The following ACAD10 variants were observed in gnomAD, a reference collection of about 807,000 sequenced individuals.
The protein encoded by ACAD10 is acyl-CoA dehydrogenase family member 10.
ACAD10 carries 112 observed loss-of-function variants against 116.8 expected under a neutral mutation model. The ratio of observed to expected loss-of-function variants is 0.96; its 90% CI spans 0.82 to 1.12. The LOEUF (loss-of-function observed/expected upper bound fraction) is 1.12, where lower values mean the gene tolerates loss of function less well. ACAD10 is among the 50% of genes most tolerant of loss of function. The probability of loss-of-function intolerance (pLI) is 0.00; values close to 1 mark genes in which losing one functional copy is unlikely to be tolerated. For missense variants in ACAD10, 1,259 were observed against 1,350.2 expected (o/e 0.93, Z 1.06); for synonymous variants, 486 against 510.6 (o/e 0.95, Z 0.65).
chr12:111,698,179 G>C (rs181715983), intron 2 of ACAD10, among the ~76,000 whole-genome samples: 203 of 151,378 alleles, frequency 1.3e-3, no homozygotes, highest in Admixed American at 3.8e-3. Context: ...TATGTTTTTA[G>C]TAGAGATGGG....
At chr12:111,727,258 C>T (rs1206805704) in intron 8 of ACAD10, among the ~76,000 whole-genome samples, 1 of 149,404 alleles carries the variant, frequency 6.7e-6, no homozygotes, top group Non-Finnish European at 1.5e-5. Flanking sequence ...GGAGCAGTGG[C>T]TCACGCCTAT....
chr12:111,686,544 G>A (rs1887860189), intron 1 of ACAD10, among the ~76,000 whole-genome samples: 1 of 152,100 alleles, frequency 6.6e-6, no homozygotes. Context: ...GTGAAACCTC[G>A]TCTCTACTGA....
At chr12:111,715,210 G>A (rs557872983) in intron 6 of ACAD10, among the ~76,000 whole-genome samples, 1 of 152,248 alleles carries the variant, frequency 6.6e-6, no homozygotes, top group Non-Finnish European at 1.5e-5. Context: ...TTCTAACCAA[G>A]TGAAATCAGT....
At chr12:111,732,131 A>G (rs1889404177) in intron 10 of ACAD10, among the ~76,000 whole-genome samples, 1 of 152,160 alleles carries the variant, frequency 6.6e-6, no homozygotes. Context: ...GAAGATGGGA[A>G]TATGCTACAA....
At chr12:111,707,473 C>T (rs899540427) in intron 4 of ACAD10, among the ~76,000 whole-genome samples, 2 of 152,156 alleles carry the variant, frequency 1.3e-5, no homozygotes, top group African/African-American at 4.8e-5. Context: ...AACTCCAAAG[C>T]CCAGATTGGC....
chr12:111,686,961 C>T (rs1887882900), intron 1 of ACAD10, among the ~76,000 whole-genome samples: 1 of 152,182 alleles, frequency 6.6e-6, no homozygotes, highest in Non-Finnish European at 1.5e-5. Flanking sequence ...GGCATGATAT[C>T]ATGTCCTCAT....
chr12:111,743,429 C>T (rs1245860038), intron 12 of ACAD10, among the ~76,000 whole-genome samples: 5 of 150,244 alleles, frequency 3.3e-5, no homozygotes, highest in African/African-American at 9.8e-5. Flanking sequence ...CTCCGCCTCT[C>T]GGGTTCAAGT....
intron 8 of ACAD10, among the ~76,000 whole-genome samples, chr12:111,723,364 G>A (rs1179765675): frequency 1.3e-4 from 18 of 138,624 alleles, no homozygotes; most frequent in African/African-American, 4.3e-4. Flanking sequence ...CTGTCCAGGC[G>A]GGGGGCTGAC....
At chr12:111,734,824 A>G (rs1162115429) in intron 11 of ACAD10, among the ~76,000 whole-genome samples, 1 of 152,228 alleles carries the variant, frequency 6.6e-6, no homozygotes, top group Non-Finnish European at 1.5e-5. Context: ...ATCTAATGGC[A>G]TGCTTTTTTT....
intron 2 of ACAD10, among the ~76,000 whole-genome samples, chr12:111,697,412 G>C (rs897827757): frequency 2.3e-4 from 33 of 142,962 alleles, no homozygotes; most frequent in African/African-American, 8.3e-4. Context: ...CCAGGCTAAA[G>C]TGCAGTGGCG....
intron 8 of ACAD10, among the ~76,000 whole-genome samples, chr12:111,723,401 G>A (rs1297796903): frequency 5.8e-5 from 8 of 137,662 alleles, no homozygotes; most frequent in Non-Finnish European, 8.0e-5. Context: ...CGGACGGGGC[G>A]GCTGGCCGGG....
In ACAD10 at chr12:111,749,208, G is replaced by C; in HGVS notation, c.2680G>C (p.Val894Leu). The change falls in exon 18 of 21, where the codon GTG becomes CTG. Residue 894 changes from valine to leucine, a missense_variant. Val to Leu is a conservative substitution (Grantham distance 32). Coordinates refer to ENST00000313698, the MANE Select transcript of ACAD10 (RefSeq NM_025247.6). The stretch of plus-strand genomic sequence containing the variant: ...TGAAGTCCGATTTGAGCACGTGCGT[G>C]TGCCCAAAGAGAACATGGTCCTGGG... Reference protein sequence around the residue: ...HGEVRFEHVRVPKENMVLGPG... With the variant: ...HGEVRFEHVRLPKENMVLGPG... 6.2e-7 allele frequency: 1 copy of C among 1,613,916 alleles called. No homozygotes were observed. Among genetic ancestry groups the C allele is most frequent in the Middle Eastern group, 1.6e-4 (1 of 6,062 alleles).
At chr12:111,739,398 C>T (rs1273996812) in intron 12 of ACAD10, among the ~76,000 whole-genome samples, 4 of 152,252 alleles carry the variant, frequency 2.6e-5, no homozygotes, top group East Asian at 1.9e-4. Context: ...TCAGTTTCTT[C>T]AAACACTTAC....
intron 3 of ACAD10, 70 bp downstream of exon 3, chr12:111,702,380 T>C: frequency 6.5e-7 from 1 of 1,546,024 alleles, no homozygotes; most frequent in African/African-American, 1.4e-5. Context: ...AACATTCATG[T>C]ATAAGTTAGT....
Position 111,744,801 on chromosome 12 carries a change from C to T in ACAD10, c.1873C>T (p.Gln625Ter), listed in dbSNP as rs752221098. The change falls in exon 13 of 21, where the codon CAG (glutamine) becomes TAG (stop). Residue 625 changes from glutamine (Q) to a stop codon, truncating the protein, a stop_gained. Coordinates refer to ENST00000313698, the MANE Select transcript of ACAD10 (RefSeq NM_025247.6). LOFTEE classifies it high-confidence loss of function. ...GTCCTACCACACGTGGGCCAGGCCCCAGTCCCAGTGGTGCCCCACAGGCAG... is the reference window on the plus strand; with the variant it reads ...GTCCTACCACACGTGGGCCAGGCCCTAGTCCCAGTGGTGCCCCACAGGCAG... Reference protein sequence around the residue: ...TRSYHTWARPQSQWCPTGSRS... With the variant: ...TRSYHTWARP The T allele has an allele frequency of 1.2e-6, 2 of 1,614,260 alleles. No homozygotes were observed. The highest frequency in any genetic ancestry group is 1.1e-5 in the South Asian group (1 of 91,088).
chr12:111,717,483 A>AT (rs1888878565), intron 7 of ACAD10, among the ~76,000 whole-genome samples: 1 of 152,138 alleles, frequency 6.6e-6, no homozygotes. Context: ...ATTGCAGCTA[A>AT]TAAAAGTATG....
chr12:111,695,657 T>C (rs1422412970), intron 2 of ACAD10, among the ~76,000 whole-genome samples: 1 of 152,144 alleles, frequency 6.6e-6, no homozygotes, highest in Non-Finnish European at 1.5e-5. Flanking sequence ...TGTCTTTTGC[T>C]TGACTGGAGC....
intron 8 of ACAD10, among the ~76,000 whole-genome samples, chr12:111,725,259 G>C (rs1249733042): frequency 6.6e-6 from 1 of 152,074 alleles, no homozygotes; most frequent in Non-Finnish European, 1.5e-5. Flanking sequence ...TGTAATCCCA[G>C]CACTTAAGGA....
chr12:111,754,770 G>C (rs1890162962), intron 19 of ACAD10, among the ~76,000 whole-genome samples: 1 of 152,264 alleles, frequency 6.6e-6, no homozygotes, highest in African/African-American at 2.4e-5. Context: ...GTCCACTGCT[G>C]CTTGGAGGCA....
Sources: allele counts gnomAD v4.1 joint callset (sites outside exome capture counted in the v4.1 genomes callset), GRCh38; gene constraint gnomAD v4.1.1; transcripts MANE v1.5; gene names NCBI Gene and HGNC (gene_info 2026-07-23, HGNC 2026-07-21).